Variants in SGCZ observed in about 807,000 individuals in gnomAD.
The protein encoded by SGCZ is sarcoglycan zeta.
Under a neutral mutation model 41.3 loss-of-function variants are expected in SGCZ, and 40 were observed. The observed-to-expected ratio is 0.97, with a 90% CI of 0.75 to 1.26. SGCZ has a LOEUF of 1.26. SGCZ is among the 50% of genes most tolerant of loss of function. SGCZ has a pLI of 0.00. For missense variants in SGCZ, 552 were observed against 369.8 expected, an observed-to-expected ratio of 1.49 and a Z score of -4.04; for synonymous variants, 206 against 137.5, an observed-to-expected ratio of 1.50 and a Z score of -3.49.
chr8:14,745,618 T>C (rs1278354283), intron 1 of SGCZ, among the ~76,000 whole-genome samples: 1 of 152,016 alleles, frequency 6.6e-6, no homozygotes, highest in African/African-American at 2.4e-5. Context: ...TGTGTGCCTG[T>C]GTATGTATGT....
chr8:14,211,870 G>C (rs150459412), intron 4 of SGCZ, among the ~76,000 whole-genome samples: 1 of 152,076 alleles, frequency 6.6e-6, no homozygotes, highest in Non-Finnish European at 1.5e-5. Context: ...CAAGAGGACA[G>C]ATGTCCAGAA....
chr8:14,812,352 T>G (rs528963305), intron 1 of SGCZ, among the ~76,000 whole-genome samples: 1 of 152,196 alleles, frequency 6.6e-6, no homozygotes, highest in South Asian at 2.1e-4. Flanking sequence ...GGCAATAAAT[T>G]TAATATTCAA....
chr8:14,929,441 T>TATTGGATAACAATCATTAAAATTGAA, intron 1 of SGCZ, among the ~76,000 whole-genome samples: 1 of 151,926 alleles, frequency 6.6e-6, no homozygotes, highest in African/African-American at 2.4e-5. Flanking sequence ...AGATATGTTG[T>TATTGGATAACAATCATTAAAATTGAA]TAGGAAAGTA....
chr8:14,976,201 T>C (rs930537925), intron 1 of SGCZ, among the ~76,000 whole-genome samples: 13 of 151,882 alleles, frequency 8.6e-5, no homozygotes, highest in African/African-American at 3.1e-4. Flanking sequence ...TTTTGTGTTT[T>C]TAGTAGACAC....
In SGCZ at chr8:14,324,219, A is replaced by G. The variant is rs758772438; in HGVS notation, c.235-15T>C. Reference sequence around the variant, plus strand: ...CCCATACCATCCTACAAGCAATGAAATATAGTTCACTTTTAGGTTAATTGG... The same window carrying G: ...CCCATACCATCCTACAAGCAATGAAGTATAGTTCACTTTTAGGTTAATTGG... On this transcript the variant is annotated splice_polypyrimidine_tract_variant and intron_variant, in intron 2 of 7. Coordinates refer to ENST00000382080, the MANE Select transcript of SGCZ (RefSeq NM_139167.4). The G allele has an allele frequency of 3.2e-6, 5 of 1,581,738 alleles. No individual in the cohort carries two copies. The Admixed American group carries it at 6.7e-5, about 21-fold the overall frequency.
At chr8:15,090,825 G>T (rs911578654) in intron 1 of SGCZ, among the ~76,000 whole-genome samples, 1 of 152,108 alleles carries the variant, frequency 6.6e-6, no homozygotes, top group Non-Finnish European at 1.5e-5. Flanking sequence ...AAGAGTGAAA[G>T]GTTGCCCAGT....
intron 1 of SGCZ, among the ~76,000 whole-genome samples, chr8:14,767,152 A>T (rs1290499307): frequency 1.3e-5 from 2 of 152,098 alleles, no homozygotes; most frequent in Non-Finnish European, 2.9e-5. Context: ...TGCTTTGCCC[A>T]ATGTGATGAT....
chr8:15,227,482 C>A (rs1037962873), intron 1 of SGCZ, among the ~76,000 whole-genome samples: 1 of 152,098 alleles, frequency 6.6e-6, no homozygotes, highest in African/African-American at 2.4e-5. Context: ...AAACTTTAGA[C>A]ATTAGATTAC....
In SGCZ at chr8:14,311,810, GTAAA is replaced by G. The variant is rs138073963; in HGVS notation, c.336+12289_336+12292del. Among the ~76,000 whole-genome samples the G allele has an allele frequency of 5.4e-3, 816 of 152,066 alleles. 11 individuals are homozygous for G. The East Asian group carries it at 0.057, about 11-fold the overall frequency. On this transcript the variant is annotated intron_variant, in intron 3 of 7. Coordinates refer to ENST00000382080, the MANE Select transcript of SGCZ (RefSeq NM_139167.4). Reference sequence around the variant, plus strand: ...CTGAAATGTGTATTTTTTTCTGTATGTAAATACACTGTAATAAAAAGTTTAAAAA... The same window carrying G: ...CTGAAATGTGTATTTTTTTCTGTATGTACACTGTAATAAAAAGTTTAAAAA...
intron 2 of SGCZ, among the ~76,000 whole-genome samples, chr8:14,518,948 G>A (rs1263572062): frequency 6.7e-6 from 1 of 150,006 alleles, no homozygotes; most frequent in South Asian, 2.1e-4. Context: ...ACATGCCTGC[G>A]GTCCCAGATA....
At position 14,265,007 on chromosome 8, in the gene SGCZ, G is replaced by A. The variant is rs1003379637; in HGVS notation, c.337-27328C>T. Among the ~76,000 whole-genome samples the A allele has an allele frequency of 2.0e-5, 3 of 151,976 alleles. No individual in the cohort carries two copies. The East Asian group carries it at 5.8e-4, about 30-fold the overall frequency. ...AAAACACAAAAAAACAAAAAAACAC[G>A]CCAGATGGCAAACACTAAATTCCTA... On this transcript the variant is annotated intron_variant, in intron 3 of 7. Transcript: ENST00000382080.
intron 1 of SGCZ, among the ~76,000 whole-genome samples, chr8:15,201,574 A>G (rs1800891201): frequency 6.6e-6 from 1 of 152,154 alleles, no homozygotes; most frequent in Admixed American, 6.5e-5. Context: ...AACCATACAA[A>G]TCACCCAAGT....
intron 2 of SGCZ, among the ~76,000 whole-genome samples, chr8:14,519,665 G>A (rs1254010875): frequency 1.3e-5 from 2 of 152,052 alleles, no homozygotes; most frequent in African/African-American, 4.8e-5. Flanking sequence ...GTATATTTAT[G>A]TCTTGAAAAC....
chr8:14,460,504 C>G (rs1471896068), intron 2 of SGCZ, among the ~76,000 whole-genome samples: 1 of 152,182 alleles, frequency 6.6e-6, no homozygotes, highest in South Asian at 2.1e-4. Flanking sequence ...ATTTGTGGTG[C>G]CCCAAAATTA....
intron 1 of SGCZ, among the ~76,000 whole-genome samples, chr8:15,159,781 T>G (rs1200783975): frequency 1.9e-5 from 2 of 105,116 alleles, no homozygotes; most frequent in African/African-American, 7.1e-5. Flanking sequence ...AGATGGTGTC[T>G]GAATCAGCTT....
intron 3 of SGCZ, among the ~76,000 whole-genome samples, chr8:14,242,601 G>A (rs920901012): frequency 1.3e-5 from 2 of 152,150 alleles, no homozygotes; most frequent in East Asian, 3.9e-4. Context: ...GCCTCCCTCT[G>A]TTGACGGCAA....
chr8:15,226,910 G>A (rs936617540), intron 1 of SGCZ, among the ~76,000 whole-genome samples: 6 of 152,138 alleles, frequency 3.9e-5, no homozygotes, highest in African/African-American at 1.4e-4. Flanking sequence ...AGTAGAGAAC[G>A]ATCTTCTGAG....
intron 1 of SGCZ, among the ~76,000 whole-genome samples, chr8:14,790,360 T>G (rs1046131300): frequency 6.6e-6 from 1 of 152,220 alleles, no homozygotes; most frequent in African/African-American, 2.4e-5. Context: ...AATAATCTTG[T>G]CAATGAAACT....
chr8:14,195,853 G>C (rs528307258), intron 4 of SGCZ, among the ~76,000 whole-genome samples: 2 of 152,160 alleles, frequency 1.3e-5, no homozygotes, highest in African/African-American at 4.8e-5. Flanking sequence ...TATAGATGTA[G>C]AATTACTGAA....
Sources: gnomAD v4.1 joint callset for allele counts (sites outside exome capture counted in the v4.1 genomes callset) on GRCh38, gnomAD v4.1.1 for gene constraint, MANE v1.5 for transcripts, NCBI Gene and HGNC (gene_info 2026-07-23, HGNC 2026-07-21) for gene names.